TLN2: variants seen among roughly 807,000 people sequenced by gnomAD.
TLN2 encodes talin-2.
In TLN2, 118 loss-of-function variants were observed where a neutral mutation model predicts 294.7. The observed-to-expected ratio is 0.40, with a 90% confidence interval of 0.34 to 0.47. TLN2 has a LOEUF of 0.47. TLN2 is among the 20% of genes least tolerant of loss of function. The pLI is 0.84. For synonymous variants in TLN2, 1,431 were observed against 1,304.5 expected, an observed-to-expected ratio of 1.10 and a Z score of -2.09; for missense variants, 3,083 against 3,282.2, an observed-to-expected ratio of 0.94 and a Z score of 1.48.
intron 11 of TLN2, among the ~76,000 whole-genome samples, chr15:62,676,075 G>A (rs1022044658): frequency 1.3e-5 from 2 of 152,186 alleles, no homozygotes; most frequent in African/African-American, 4.8e-5. Flanking sequence ...TCTGCAAATG[G>A]AAGCAAACCA....
chr15:62,768,040 G>C (rs763002669), intron 41 of TLN2, among the ~76,000 whole-genome samples: 1 of 152,078 alleles, frequency 6.6e-6, no homozygotes, highest in East Asian at 1.9e-4. Flanking sequence ...AGAGGCAGTC[G>C]GTGCGCCCTC....
chr15:62,466,270 A>C (rs2037130488), intron 1 of TLN2, among the ~76,000 whole-genome samples: 1 of 152,260 alleles, frequency 6.6e-6, no homozygotes. Context: ...GTCTGGACCG[A>C]GGAGCCTATC....
intron 2 of TLN2, among the ~76,000 whole-genome samples, chr15:62,593,588 C>T (rs974988432): frequency 1.3e-5 from 2 of 152,138 alleles, no homozygotes; most frequent in South Asian, 2.1e-4. Context: ...TTCATGGACT[C>T]GATGACTCTA....
At chr15:62,704,743 A>T (rs1043554467) in intron 19 of TLN2, among the ~76,000 whole-genome samples, 2 of 152,256 alleles carry the variant, frequency 1.3e-5, no homozygotes, top group African/African-American at 4.8e-5. Context: ...ACTGCACATC[A>T]ATATATTCTG....
At chr15:62,670,638 A>G (rs1596604075) in intron 9 of TLN2, among the ~76,000 whole-genome samples, 1 of 152,172 alleles carries the variant, frequency 6.6e-6, no homozygotes, top group African/African-American at 2.4e-5. Flanking sequence ...ATGTTGTAAC[A>G]TATTTCAGTA....
At chr15:62,534,351 C>T (rs1306798530) in intron 1 of TLN2, among the ~76,000 whole-genome samples, 3 of 152,234 alleles carry the variant, frequency 2.0e-5, no homozygotes, top group Non-Finnish European at 4.4e-5. Flanking sequence ...TGCTGACTGA[C>T]AGGCTATATG....
At chr15:62,487,015 C>G (rs1328139995) in intron 1 of TLN2, among the ~76,000 whole-genome samples, 2 of 152,130 alleles carry the variant, frequency 1.3e-5, no homozygotes, top group Admixed American at 6.5e-5. Context: ...AGCATAAATG[C>G]AGTGTTCACA....
At chr15:62,596,658 A>G (rs1354488796) in intron 2 of TLN2, among the ~76,000 whole-genome samples, 3 of 152,040 alleles carry the variant, frequency 2.0e-5, no homozygotes, top group Admixed American at 1.3e-4. Flanking sequence ...GAATGGCTTG[A>G]ACTTGGGAGG....
At chr15:62,712,151 G>A (rs1595751421) in intron 22 of TLN2, 74 bp downstream of exon 22, 1 of 1,540,896 alleles carries the variant, frequency 6.5e-7, no homozygotes, top group East Asian at 2.3e-5. Flanking sequence ...CTTTCCAGAT[G>A]GGGCATGGTC....
In TLN2 at chr15:62,800,650, C is replaced by CATA; in HGVS notation, c.6361-2_6361-1insTAA. 6.2e-7 allele frequency: 1 copy of CATA among 1,613,876 alleles called. No individual in the cohort carries two copies. The highest frequency in any genetic ancestry group is 8.5e-7 in the Non-Finnish European group (1 of 1,179,854). On this transcript the variant is annotated splice_region_variant and splice_polypyrimidine_tract_variant and intron_variant, in intron 49 of 58. Coordinates refer to ENST00000636159, the MANE Select transcript of TLN2 (RefSeq NM_015059.3). ...TCTGTATTCATTCTCCCTTCCTATGCAGGTGATGGTGACCAATGTCACCTC... is the reference window on the plus strand; with the variant it reads ...TCTGTATTCATTCTCCCTTCCTATGCATAAGGTGATGGTGACCAATGTCACCTC...
At chr15:62,660,795 ATAT>A (rs1306444242) in intron 9 of TLN2, among the ~76,000 whole-genome samples, 1 of 152,150 alleles carries the variant, frequency 6.6e-6, no homozygotes, top group Non-Finnish European at 1.5e-5. Context: ...TACAAGGGAG[ATAT>A]TATATACTAA....
chr15:62,427,861 T>C (rs2034801568), intron 1 of TLN2, among the ~76,000 whole-genome samples: 1 of 152,192 alleles, frequency 6.6e-6, no homozygotes, highest in Admixed American at 6.5e-5. Flanking sequence ...ATTACCCAGC[T>C]TCTTACCTGA....
chr15:62,799,464 G>C (rs1320119546), intron 48 of TLN2, among the ~76,000 whole-genome samples: 4 of 152,218 alleles, frequency 2.6e-5, no homozygotes, highest in Admixed American at 2.6e-4. Flanking sequence ...ACTTTGAAAA[G>C]ATGATCTGTG....
In TLN2 at chr15:62,842,762, C is replaced by T. The variant is rs1400850655; in HGVS notation, c.*2152C>T. The T allele has an allele frequency of 3.9e-5, 6 of 152,130 alleles. No homozygotes were observed. The highest frequency in any genetic ancestry group is 2.0e-4 in the Admixed American group (3 of 15,282). The allele number at this position is 152,130 out of a possible 1,614,324, so 9.4% of individuals were successfully genotyped here. On this transcript the variant is annotated 3_prime_UTR_variant, in exon 59 of 59. Transcript: ENST00000636159. ...CTTTATAACTCTAAAGAACAGGCAT[C>T]GAAAGTTTATTTTTGTAGGAGCTAT...
rs116679715 is a variant in TLN2 at position 62,429,321 on chromosome 15, C to T, written c.-238+38636C>T. 3.6e-3 allele frequency among the ~76,000 whole-genome samples: 541 copies of T among 152,222 alleles called. 4 individuals carry two copies. Among genetic ancestry groups the T allele is most frequent in the African/African-American group, 0.013 (523 of 41,528 alleles). ...AAGCCAGGAGGATGAACTGATTCAT[C>T]GGTTGGTGAAAGCCCCTGAACCTTT... On this transcript the variant is annotated intron_variant, in intron 1 of 58. Transcript: ENST00000636159.
intron 57 of TLN2, among the ~76,000 whole-genome samples, chr15:62,837,475 C>T (rs533033471): frequency 8.2e-4 from 125 of 152,142 alleles, no homozygotes; most frequent in Non-Finnish European, 1.4e-3. Context: ...TTATGAGGGT[C>T]AAATAGGAGA....
At chr15:62,726,266 A>G (rs146020840) in intron 27 of TLN2, among the ~76,000 whole-genome samples, 3 of 152,242 alleles carry the variant, frequency 2.0e-5, no homozygotes, top group African/African-American at 7.2e-5. Flanking sequence ...ATTGTTTGCT[A>G]TAATGGACCA....
intron 9 of TLN2, among the ~76,000 whole-genome samples, chr15:62,668,894 A>G (rs561005780): frequency 1.3e-5 from 2 of 152,354 alleles, no homozygotes; most frequent in African/African-American, 4.8e-5. Flanking sequence ...GATAATCCAA[A>G]AAGTCATTTA....
At chr15:62,644,383 C>G (rs2051566270) in intron 3 of TLN2, 1 of 410,598 alleles carries the variant, frequency 2.4e-6, no homozygotes, top group Admixed American at 2.7e-5. Flanking sequence ...AATGTTGTTC[C>G]CAGGGCTGAG....
Sources: gnomAD v4.1 joint callset for allele counts (sites outside exome capture counted in the v4.1 genomes callset) on GRCh38, gnomAD v4.1.1 for gene constraint, MANE v1.5 for transcripts, NCBI Gene and HGNC (gene_info 2026-07-23, HGNC 2026-07-21) for gene names.